Variants in HLCS observed in about 807,000 individuals in gnomAD.
HLCS encodes the protein biotin--protein ligase.
In HLCS, 53 loss-of-function variants were observed where a neutral mutation model predicts 75.0. That is an observed-to-expected ratio of 0.71 (90% confidence interval 0.57 to 0.89). HLCS has a LOEUF of 0.89. HLCS is among the 40% of genes least tolerant of loss of function. The pLI is 0.00. For synonymous variants in HLCS, 431 were observed against 428.6 expected, an observed-to-expected ratio of 1.01 and a Z score of -0.07; for missense variants, 966 against 1,074.0, an observed-to-expected ratio of 0.90 and a Z score of 1.41.
At chr21:36,806,988 G>T (rs2145943040) in intron 6 of HLCS, among the ~76,000 whole-genome samples, 1 of 152,340 alleles carries the variant, frequency 6.6e-6, no homozygotes, top group African/African-American at 2.4e-5. Context: ...CGGTGCCCCA[G>T]TAGCTGCTAA....
intron 5 of HLCS, among the ~76,000 whole-genome samples, chr21:36,927,648 T>C (rs2066465372): frequency 6.6e-6 from 1 of 152,212 alleles, no homozygotes; most frequent in Admixed American, 6.5e-5. Flanking sequence ...GACATTGAAA[T>C]AATTTCTGCA....
chr21:36,929,430 C>T (rs1228931154), intron 5 of HLCS, among the ~76,000 whole-genome samples: 1 of 152,252 alleles, frequency 6.6e-6, no homozygotes, highest in African/African-American at 2.4e-5. Flanking sequence ...CTCTGCTCTC[C>T]TCCAAAAACT....
At chr21:36,902,140 T>C (rs1370547990) in intron 5 of HLCS, among the ~76,000 whole-genome samples, 2 of 151,984 alleles carry the variant, frequency 1.3e-5, no homozygotes, top group African/African-American at 4.8e-5. Flanking sequence ...CAAAGTCAGA[T>C]GGGAGTAGTG....
chr21:36,958,785 T>A (rs4817834), intron 2 of HLCS, among the ~76,000 whole-genome samples: 61,983 of 144,396 alleles, frequency 0.43, 13,394 homozygotes, highest in Admixed American at 0.55. Flanking sequence ...CAAGACTCCA[T>A]CTCCAAAAAA....
At chr21:36,783,731 A>C (rs2060601938) in intron 6 of HLCS, among the ~76,000 whole-genome samples, 1 of 152,188 alleles carries the variant, frequency 6.6e-6, no homozygotes, top group Non-Finnish European at 1.5e-5. Flanking sequence ...CAGGTCTGCC[A>C]GATGTCGTTT....
intron 2 of HLCS, among the ~76,000 whole-genome samples, chr21:36,941,802 C>T (rs907563385): frequency 6.6e-6 from 1 of 152,116 alleles, no homozygotes; most frequent in South Asian, 2.1e-4. Flanking sequence ...GTCAGGAGCT[C>T]GAGACCAGCT....
At chr21:36,975,964 G>C (rs2068927262) in intron 1 of HLCS, among the ~76,000 whole-genome samples, 1 of 152,122 alleles carries the variant, frequency 6.6e-6, no homozygotes, top group Non-Finnish European at 1.5e-5. Flanking sequence ...GGAAGAAACT[G>C]AATTTTAGAA....
At chr21:36,949,009 T>C (rs1482521687) in intron 2 of HLCS, among the ~76,000 whole-genome samples, 1 of 152,178 alleles carries the variant, frequency 6.6e-6, no homozygotes, top group Non-Finnish European at 1.5e-5. Flanking sequence ...TATTGTGTTC[T>C]GTAGACAGCC....
chr21:36,880,818 C>T (rs902170341), intron 6 of HLCS, among the ~76,000 whole-genome samples: 2 of 152,174 alleles, frequency 1.3e-5, no homozygotes, highest in Non-Finnish European at 2.9e-5. Flanking sequence ...CCCAAACTCC[C>T]CTTACCCCTC....
At chr21:36,872,454 T>C (rs2063806367) in intron 6 of HLCS, among the ~76,000 whole-genome samples, 2 of 152,098 alleles carry the variant, frequency 1.3e-5, no homozygotes, top group Admixed American at 1.3e-4. Flanking sequence ...AGTTTTTATG[T>C]AAAATTGGCC....
chr21:36,798,896 T>C (rs1485900569), intron 6 of HLCS, among the ~76,000 whole-genome samples: 2 of 152,228 alleles, frequency 1.3e-5, no homozygotes, highest in Admixed American at 6.5e-5. Flanking sequence ...TAATATTGAG[T>C]CGTAAGGTTC....
At chr21:36,957,404 G>A (rs909379258) in intron 2 of HLCS, among the ~76,000 whole-genome samples, 3 of 152,138 alleles carry the variant, frequency 2.0e-5, no homozygotes, top group East Asian at 1.9e-4. Context: ...TGTATGGCTC[G>A]CAGAACCTCT....
At chr21:36,942,929 T>C (rs920496424) in intron 2 of HLCS, among the ~76,000 whole-genome samples, 2 of 143,328 alleles carry the variant, frequency 1.4e-5, no homozygotes, top group African/African-American at 5.1e-5. Context: ...GACTCCATCT[T>C]AAAAAAAAAA....
intron 6 of HLCS, among the ~76,000 whole-genome samples, chr21:36,823,829 T>G (rs752286070): frequency 6.6e-6 from 1 of 152,104 alleles, no homozygotes; most frequent in Non-Finnish European, 1.5e-5. Context: ...TTTAGCTACT[T>G]CCCCCTCCCA....
At chr21:36,797,079 C>T (rs118068845) in intron 6 of HLCS, among the ~76,000 whole-genome samples, 2,682 of 152,096 alleles carry the variant, frequency 0.018, 38 homozygotes, top group Non-Finnish European at 0.029. Flanking sequence ...GTTGGCCAGG[C>T]GTATCTCAAA....
rs533772037 is a variant in HLCS, at chr21:36,776,080, G to A, written c.1893-8795C>T. ...CAAGCAAACCAGAAATTCAAATCAT[G>A]TTCTGGTTGGTTGTAAGGTCTATAA... On this transcript the variant is annotated intron_variant, in intron 6 of 10. Coordinates refer to ENST00000674895, the MANE Select transcript of HLCS (RefSeq NM_001352514.2). 2.8e-4 allele frequency among the ~76,000 whole-genome samples: 42 copies of A among 152,320 alleles called. No homozygotes were observed. The South Asian group carries it at 8.7e-3, about 32-fold the overall frequency.
chr21:36,838,576 T>C (rs1038239624), intron 6 of HLCS, among the ~76,000 whole-genome samples: 7 of 151,632 alleles, frequency 4.6e-5, no homozygotes, highest in African/African-American at 1.5e-4. Context: ...AGGTGATGGG[T>C]GCCTGCAGTC....
At position 36,756,641 on chromosome 21, in the gene HLCS, A is replaced by T; in HGVS notation, c.2351T>A (p.Ile784Asn). ...CTCCAGCACAGTCACGACTCTGGCG[A>T]TGAGATAATCGGCTCTTAAGGGCTT... ...ELKPLRADYL[I>N]ARVVTVLEKL... The change falls in exon 10 of 11, where the codon ATC becomes AAC. Residue 784 changes from isoleucine (I) to asparagine (N), a missense_variant. Coordinates refer to ENST00000674895, the MANE Select transcript of HLCS (RefSeq NM_001352514.2). 6.2e-7 allele frequency: 1 copy of T among 1,614,142 alleles called. No homozygotes were observed. The highest frequency in any genetic ancestry group is 8.5e-7 in the Non-Finnish European group (1 of 1,180,032).
intron 6 of HLCS, among the ~76,000 whole-genome samples, chr21:36,878,047 A>C (rs945824952): frequency 6.6e-6 from 1 of 152,030 alleles, no homozygotes; most frequent in Non-Finnish European, 1.5e-5. Flanking sequence ...GTTGGACTAT[A>C]ATATGCCTAG....
Sources: gnomAD v4.1 joint callset for allele counts (sites outside exome capture counted in the v4.1 genomes callset) on GRCh38, gnomAD v4.1.1 for gene constraint, MANE v1.5 for transcripts, NCBI Gene and HGNC (gene_info 2026-07-23, HGNC 2026-07-21) for gene names.